TTC23L: variants seen among roughly 807,000 people sequenced by gnomAD.
TTC23L encodes tetratricopeptide repeat protein 23-like.
TTC23L carries 42 observed loss-of-function variants against 48.1 expected under a neutral mutation model. That is an observed-to-expected ratio of 0.87 (90% CI 0.68 to 1.13). TTC23L has a LOEUF of 1.13. TTC23L is among the 50% of genes most tolerant of loss of function. TTC23L has a pLI of 0.00. For synonymous variants in TTC23L, 159 were observed against 157.2 expected (o/e 1.01, Z -0.09); for missense variants, 391 against 421.0 (o/e 0.93, Z 0.62).
chr5:34,920,306 T>TA, the TTC23L span: 1 of 152,570 alleles, frequency 6.6e-6, no homozygotes, highest in Non-Finnish European at 1.5e-5. Flanking sequence ...ATTAAGGTAT[T>TA]ACAAACTGAA....
intron 3 of TTC23L, among the ~76,000 whole-genome samples, chr5:34,847,267 C>T (rs1759281975): frequency 6.6e-6 from 1 of 152,152 alleles, no homozygotes; most frequent in Non-Finnish European, 1.5e-5. Context: ...TTCACAAATC[C>T]AGGCTAGAAG....
rs184919279 is a variant in TTC23L at position 34,897,522 on chromosome 5, T to A, written c.*97+647T>A. 9.4e-4 allele frequency among the ~76,000 whole-genome samples: 143 copies of A among 152,316 alleles called. 2 individuals carry two copies. Among genetic ancestry groups the A allele is most frequent in the African/African-American group, 3.2e-3 (134 of 41,584 alleles). On this transcript the variant is annotated intron_variant, in intron 10 of 10. Coordinates refer to ENST00000505624, the Ensembl canonical transcript of TTC23L. ...TAAATTTGTAGTGACGAGGTCTCAC[T>A]ATGTTGCCCAGGCTGGCCTCCAACT...
intron 9 of TTC23L, among the ~76,000 whole-genome samples, chr5:34,887,100 G>A (rs1056613606): frequency 2.0e-5 from 3 of 152,168 alleles, no homozygotes; most frequent in African/African-American, 7.2e-5. Flanking sequence ...AGCAGAGGGT[G>A]GAGTCAGAAG....
intron 2 of TTC23L, among the ~76,000 whole-genome samples, chr5:34,841,067 A>C (rs1280503273): frequency 6.6e-6 from 1 of 152,148 alleles, no homozygotes; most frequent in African/African-American, 2.4e-5. Flanking sequence ...AAAATAAAAA[A>C]GAAGGTTGTG....
chr5:34,880,242 G>C, exon 9 of TTC23L: 1 of 1,613,588 alleles, frequency 6.2e-7, no homozygotes, highest in South Asian at 1.1e-5. Flanking sequence ...TGGGCTCAGA[G>C]GATTTTGAAA....
In TTC23L at chr5:34,863,457, T is replaced by C. The variant is rs571913476; in HGVS notation, c.536+403T>C. On this transcript the variant is annotated intron_variant, in intron 5 of 10. Transcript: ENST00000505624. The surrounding 1 kb of genome is among the most constrained non-coding windows in gnomAD (Gnocchi z 4.1). ...TGGCAAACTAGGCTGCACATTGTAA[T>C]CCCCTGGGGAGCTTTAAGAATTTCT... Among the ~76,000 whole-genome samples, 3 of 152,222 alleles carry C rather than the reference T, an allele frequency of 2.0e-5. No homozygotes were observed. The highest frequency in any genetic ancestry group is 7.2e-5 in the African/African-American group (3 of 41,536).
At chr5:34,924,853 G>C in the TTC23L span, 1 of 1,597,948 alleles carries the variant, frequency 6.3e-7, no homozygotes, top group Non-Finnish European at 8.6e-7. Flanking sequence ...AAAGATCATA[G>C]AAGAAGATGC....
At chr5:34,901,897 C>G (rs915508649), downstream of TTC23L, among the ~76,000 whole-genome samples, 1 of 152,174 alleles carries the variant, frequency 6.6e-6, no homozygotes, top group Non-Finnish European at 1.5e-5. Flanking sequence ...GCTGCCTCCA[C>G]CAAACTGGAT....
intron 4 of TTC23L, among the ~76,000 whole-genome samples, chr5:34,858,733 C>G (rs1235724849): frequency 2.0e-5 from 3 of 152,056 alleles, no homozygotes; most frequent in Admixed American, 1.3e-4. Flanking sequence ...CTTACGGCAT[C>G]TTGCATACCT....
intron 4 of TTC23L, among the ~76,000 whole-genome samples, chr5:34,850,574 TATTAGTAACCTC>T (rs1759595046): frequency 6.6e-6 from 1 of 152,112 alleles, no homozygotes; most frequent in Non-Finnish European, 1.5e-5. Flanking sequence ...AGGGAGATAC[TATTAGTAACCTC>T]AGTTTATGGA....
At chr5:34,860,659 G>C (rs1760547336) in intron 4 of TTC23L, 1 of 152,134 alleles carries the variant, frequency 6.6e-6, no homozygotes, top group South Asian at 2.1e-4. Context: ...TTTCTCTTTA[G>C]TTGAAACCTA....
chr5:34,911,205 G>C, the TTC23L span, among the ~76,000 whole-genome samples: 1 of 152,180 alleles, frequency 6.6e-6, no homozygotes, highest in African/African-American at 2.4e-5. Flanking sequence ...ACTTGAAAAA[G>C]ATACCATAAT....
intron 9 of TTC23L, among the ~76,000 whole-genome samples, chr5:34,894,521 G>A (rs1043780608): frequency 6.6e-6 from 1 of 152,070 alleles, no homozygotes; most frequent in African/African-American, 2.4e-5. Context: ...GATTATGGAG[G>A]ACTTTCAAAT....
chr5:34,893,207 A>C (rs557695233), intron 9 of TTC23L, among the ~76,000 whole-genome samples: 1 of 152,322 alleles, frequency 6.6e-6, no homozygotes, highest in African/African-American at 2.4e-5. Flanking sequence ...GGCAGGAATC[A>C]AAGGTAACTT....
the TTC23L span, chr5:34,915,754 A>G: frequency 6.2e-7 from 1 of 1,603,846 alleles, no homozygotes. Flanking sequence ...GGCAACCAAG[A>G]GGAAACGGCG....
chr5:34,840,405 G>C (rs1232639107), intron 1 of TTC23L, among the ~76,000 whole-genome samples: 1 of 152,204 alleles, frequency 6.6e-6, no homozygotes, highest in Non-Finnish European at 1.5e-5. Flanking sequence ...AAATGTGCTT[G>C]CTTTGAGACA....
the TTC23L span, chr5:34,914,417 C>T: frequency 2.4e-6 from 1 of 420,874 alleles, no homozygotes; most frequent in Non-Finnish European, 4.3e-6. Context: ...AGACTGTAGC[C>T]TAGCCAATAG....
chr5:34,915,485 C>T, the TTC23L span: 2 of 420,312 alleles, frequency 4.8e-6, no homozygotes, highest in East Asian at 4.2e-5. Flanking sequence ...GAGGCGGCTC[C>T]GAGGAACCGC....
intron 9 of TTC23L, among the ~76,000 whole-genome samples, chr5:34,887,638 A>C (rs1762619092): frequency 6.6e-6 from 1 of 152,212 alleles, no homozygotes; most frequent in South Asian, 2.1e-4. Context: ...GGCAGTTTTA[A>C]TATCCTGCCA....
Sources: gnomAD v4.1 joint callset for allele counts (sites outside exome capture counted in the v4.1 genomes callset) on GRCh38, gnomAD v4.1.1 for gene constraint, Gnocchi (gnomAD v3.1) non-coding constraint, MANE v1.5 for transcripts, NCBI Gene and HGNC (gene_info 2026-07-23, HGNC 2026-07-21) for gene names.